TAOK1: variants seen among roughly 807,000 people sequenced by gnomAD.
TAOK1 encodes the protein serine/threonine-protein kinase TAO1.
Under a neutral mutation model 138.3 loss-of-function variants are expected in TAOK1, and 21 were observed. The observed-to-expected ratio is 0.15, with a 90% CI of 0.11 to 0.22. TAOK1 has a LOEUF of 0.22. Among genes scored for constraint, TAOK1 ranks in the 10% least tolerant of loss-of-function variants. The probability of loss-of-function intolerance (pLI) is 1.00; values close to 1 mark genes in which losing one functional copy is unlikely to be tolerated. For missense variants in TAOK1, 651 were observed against 1,227.7 expected (o/e 0.53, Z 7.02); for synonymous variants, 361 against 398.4 (o/e 0.91, Z 1.12).
At chr17:29,397,463 C>T (rs1904647938) in intron 1 of TAOK1, among the ~76,000 whole-genome samples, 1 of 151,440 alleles carries the variant, frequency 6.6e-6, no homozygotes, top group African/African-American at 2.4e-5. Context: ...ATTAGCCGGG[C>T]ATGGTGGCGC....
intron 13 of TAOK1, among the ~76,000 whole-genome samples, chr17:29,506,578 T>G (rs2031632733): frequency 6.6e-6 from 1 of 152,182 alleles, no homozygotes; most frequent in Non-Finnish European, 1.5e-5. Flanking sequence ...TCAACAATAA[T>G]ATATTGAATA....
chr17:29,537,583 C>T (rs2032244393), intron 19 of TAOK1, among the ~76,000 whole-genome samples: 1 of 150,246 alleles, frequency 6.7e-6, no homozygotes, highest in Admixed American at 6.6e-5. Context: ...TCTCAAACTC[C>T]TAGGCTCAAG....
chr17:29,415,770 C>G (rs1404124821), intron 1 of TAOK1, among the ~76,000 whole-genome samples: 1 of 152,096 alleles, frequency 6.6e-6, no homozygotes, highest in East Asian at 1.9e-4. Context: ...ATATAAAATA[C>G]TGTGGTAATT....
intron 16 of TAOK1, among the ~76,000 whole-genome samples, chr17:29,518,756 C>G (rs200309755): frequency 1.6e-5 from 2 of 125,992 alleles, no homozygotes; most frequent in Admixed American, 8.2e-5. Flanking sequence ...TTTACTTTAT[C>G]TATTTATTTA....
intron 1 of TAOK1, among the ~76,000 whole-genome samples, chr17:29,439,330 G>A (rs925870825): frequency 6.6e-5 from 10 of 151,718 alleles, no homozygotes; most frequent in African/African-American, 2.2e-4. Flanking sequence ...AGCCTCCTGA[G>A]TAGCTGGGAT....
chr17:29,448,050 C>CTG (rs930411704), intron 1 of TAOK1, among the ~76,000 whole-genome samples: 5 of 132,532 alleles, frequency 3.8e-5, no homozygotes, highest in Non-Finnish European at 6.4e-5. Context: ...GTATCTTTTA[C>CTG]TGTGTTCCTC....
At chr17:29,415,028 A>G (rs1905236148) in intron 1 of TAOK1, among the ~76,000 whole-genome samples, 1 of 149,854 alleles carries the variant, frequency 6.7e-6, no homozygotes, top group South Asian at 2.1e-4. Flanking sequence ...CAGTGGCGCA[A>G]TCTTGACCTA....
At position 29,534,094 on chromosome 17, in the gene TAOK1, TTTCTC is replaced by T; in HGVS notation, c.2362-22_2362-18del. ...CTAACATTAGGATATATCTTTTTTT[TTTCTC>T]TCTCTCTCTCTGTCTCAGCTGCGTT... On this transcript the variant is annotated intron_variant, in intron 18 of 19. Coordinates refer to ENST00000261716, the MANE Select transcript of TAOK1 (RefSeq NM_020791.4). The T allele has an allele frequency of 3.2e-6, 5 of 1,562,580 alleles. No individual in the cohort carries two copies. Among genetic ancestry groups the T allele is most frequent in the East Asian group, 2.3e-5 (1 of 43,888 alleles).
chr17:29,434,244 CT>C (rs1417195150), intron 1 of TAOK1, among the ~76,000 whole-genome samples: 2 of 152,118 alleles, frequency 1.3e-5, no homozygotes, highest in African/African-American at 4.8e-5. Flanking sequence ...GAAATTAACT[CT>C]TTCTAGTTCG....
At chr17:29,485,956 C>G (rs1485748286) in intron 8 of TAOK1, among the ~76,000 whole-genome samples, 4 of 152,144 alleles carry the variant, frequency 2.6e-5, no homozygotes, top group Admixed American at 2.0e-4. Flanking sequence ...TAGAAACATG[C>G]ACAAGATAAT....
chr17:29,529,149 T>C (rs898629064), intron 17 of TAOK1, among the ~76,000 whole-genome samples: 1 of 152,014 alleles, frequency 6.6e-6, no homozygotes, highest in Non-Finnish European at 1.5e-5. Flanking sequence ...TTTTAAAAAT[T>C]GCTTTGTAGA....
chr17:29,541,468 CATA>C, intron 19 of TAOK1, among the ~76,000 whole-genome samples: 1 of 151,492 alleles, frequency 6.6e-6, no homozygotes, highest in Middle Eastern at 3.4e-3. Context: ...TAACAGAATT[CATA>C]ATAATTTTTA....
At chr17:29,447,621 A>G (rs1054086610) in intron 1 of TAOK1, among the ~76,000 whole-genome samples, 2 of 151,758 alleles carry the variant, frequency 1.3e-5, no homozygotes, top group Non-Finnish European at 2.9e-5. Context: ...TTACAGGTGC[A>G]AGCTACCTCA....
chr17:29,464,881 C>A (rs996118397), intron 2 of TAOK1, among the ~76,000 whole-genome samples: 1 of 146,810 alleles, frequency 6.8e-6, no homozygotes, highest in Admixed American at 6.9e-5. Context: ...AGTGCAGTAG[C>A]GCAATCTCAA....
intron 2 of TAOK1, among the ~76,000 whole-genome samples, chr17:29,458,029 G>A (rs2030435307): frequency 6.6e-6 from 1 of 151,820 alleles, no homozygotes; most frequent in Non-Finnish European, 1.5e-5. Flanking sequence ...AGAACGGCGT[G>A]AACCCGGGAG....
At chr17:29,414,236 G>A (rs1173325025) in intron 1 of TAOK1, among the ~76,000 whole-genome samples, 3 of 150,940 alleles carry the variant, frequency 2.0e-5, no homozygotes, top group Non-Finnish European at 4.4e-5. Context: ...ATCCATGGTG[G>A]AGCATGTATC....
At chr17:29,403,151 A>G (rs1435475859) in intron 1 of TAOK1, among the ~76,000 whole-genome samples, 1 of 94,674 alleles carries the variant, frequency 1.1e-5, no homozygotes, top group Non-Finnish European at 1.9e-5. Flanking sequence ...ACAGGGCAAG[A>G]TTTTGTCTCA....
In TAOK1 at chr17:29,421,881, G is replaced by A. The variant is rs1416608879; in HGVS notation, c.-94-29574G>A. On this transcript the variant is annotated intron_variant, in intron 1 of 19. Coordinates refer to ENST00000261716, the MANE Select transcript of TAOK1 (RefSeq NM_020791.4). The stretch of plus-strand genomic sequence containing the variant: ...GCTTCCTATAGTGCTAGGATTACAG[G>A]TGTGAGCCACTGTGCTATCCTCTAT... Among the ~76,000 whole-genome samples the A allele has an allele frequency of 4.6e-5, 7 of 151,810 alleles. No homozygotes were observed. In the East Asian group the frequency reaches 1.4e-3, roughly 30 times the overall value.
chr17:29,542,787 A>T lies in TAOK1; in HGVS notation c.2771A>T (p.His924Leu). 1 of 1,614,164 alleles carries T rather than the reference A, an allele frequency of 6.2e-7. No homozygotes were observed. The highest frequency in any genetic ancestry group is 1.1e-5 in the South Asian group (1 of 91,088). The change falls in exon 20 of 20, where the codon CAT becomes CTT. Residue 924 changes from histidine to leucine, a missense_variant. Physicochemically the swap from His to Leu is moderately conservative, Grantham distance 99 (BLOSUM62 -3). This residue lies in a region of TAOK1 where 108 missense variants were observed against 120.3 expected (regional missense o/e 0.90). Transcript: ENST00000261716. ...GGGGGTCCAGGACCTCACTGGGGTCATCCCATGGGTGGCCCACCACAAGCT... is the reference window on the plus strand; with the variant it reads ...GGGGGTCCAGGACCTCACTGGGGTCTTCCCATGGGTGGCCCACCACAAGCT... ...PTGGPGPHWG[H>L]PMGGPPQAWG...
Sources: allele counts gnomAD v4.1 joint callset (sites outside exome capture counted in the v4.1 genomes callset), GRCh38; gene constraint gnomAD v4.1.1; regional missense constraint gnomAD v4.1.1; transcripts MANE v1.5; gene names NCBI Gene and HGNC (gene_info 2026-07-23, HGNC 2026-07-21).